Variants in CERS6 observed in about 807,000 individuals in gnomAD.
The protein encoded by CERS6 is ceramide synthase 6.
CERS6 carries 26 observed loss-of-function variants against 56.8 expected under a neutral mutation model. The observed-to-expected ratio is 0.46, with a 90% CI of 0.34 to 0.63. The LOEUF is 0.63. CERS6 is among the 30% of genes least tolerant of loss of function. CERS6 has a pLI of 0.01. For synonymous variants in CERS6, 164 were observed against 173.3 expected, an observed-to-expected ratio of 0.95 and a Z score of 0.42; for missense variants, 415 against 467.5, an observed-to-expected ratio of 0.89 and a Z score of 1.04.
At chr2:168,474,740 T>C (rs944068689) in intron 1 of CERS6, among the ~76,000 whole-genome samples, 2 of 152,208 alleles carry the variant, frequency 1.3e-5, no homozygotes, top group African/African-American at 4.8e-5. Flanking sequence ...TGCAAACATT[T>C]ATTTAACAAA....
rs1485255270 is a variant in CERS6, at chr2:168,771,491, A to G, written c.*1829A>G. On this transcript the variant is annotated 3_prime_UTR_variant, in exon 10 of 10. Coordinates refer to ENST00000305747, the MANE Select transcript of CERS6 (RefSeq NM_203463.3). ...TGTTATTTTATTTCACAAAACAGGCATATGTCTAGGAGTGTAATTTGTGGA... is the reference window on the plus strand; with the variant it reads ...TGTTATTTTATTTCACAAAACAGGCGTATGTCTAGGAGTGTAATTTGTGGA... 6.6e-6 allele frequency: 1 copy of G among 152,256 alleles called. No homozygotes were observed. Among genetic ancestry groups the G allele is most frequent in the African/African-American group, 2.4e-5 (1 of 41,470 alleles). The allele number at this position is 152,256 out of a possible 1,614,324, so 9.4% of individuals were successfully genotyped here. A position where few individuals can be genotyped will look rare whatever the true frequency, so the allele number is the denominator to read the frequency against.
At chr2:168,548,334 G>A (rs2105372897) in intron 2 of CERS6, among the ~76,000 whole-genome samples, 1 of 152,240 alleles carries the variant, frequency 6.6e-6, no homozygotes, top group Non-Finnish European at 1.5e-5. Context: ...AGAGAAGTGG[G>A]TAGAAGAGAC....
intron 6 of CERS6, among the ~76,000 whole-genome samples, chr2:168,709,392 T>A (rs1396570230): frequency 6.6e-6 from 1 of 152,140 alleles, no homozygotes; most frequent in Non-Finnish European, 1.5e-5. Context: ...TAATGAAGTT[T>A]GAGTGAAGAC....
intron 1 of CERS6, among the ~76,000 whole-genome samples, chr2:168,519,580 C>T (rs1396319199): frequency 6.6e-6 from 1 of 152,092 alleles, no homozygotes; most frequent in Admixed American, 6.6e-5. Flanking sequence ...TGTGTTTGTG[C>T]GTACCCAATG....
At chr2:168,560,951 A>G (rs2105381640) in intron 2 of CERS6, among the ~76,000 whole-genome samples, 1 of 152,314 alleles carries the variant, frequency 6.6e-6, no homozygotes, top group East Asian at 1.9e-4. Context: ...AAGTGCAAGC[A>G]TTAGAGCAAG....
At chr2:168,703,748 C>T (rs527437866) in intron 6 of CERS6, among the ~76,000 whole-genome samples, 90 of 152,230 alleles carry the variant, frequency 5.9e-4, no homozygotes, top group Middle Eastern at 3.4e-3. Context: ...TCAGGAGGGC[C>T]GCTTCACCTC....
intron 1 of CERS6, among the ~76,000 whole-genome samples, chr2:168,489,665 T>C (rs985490227): frequency 6.6e-6 from 1 of 152,078 alleles, no homozygotes; most frequent in Non-Finnish European, 1.5e-5. Context: ...TGACTTGAGC[T>C]ATCCCATGAA....
intron 4 of CERS6, among the ~76,000 whole-genome samples, chr2:168,641,847 G>A (rs192446257): frequency 2.0e-5 from 3 of 150,744 alleles, no homozygotes; most frequent in East Asian, 3.9e-4. Flanking sequence ...ATCTCCTATA[G>A]CACTTGATAT....
chr2:168,551,519 CAGG>C, intron 2 of CERS6, among the ~76,000 whole-genome samples: 1 of 152,294 alleles, frequency 6.6e-6, no homozygotes, highest in Middle Eastern at 3.4e-3. Context: ...AACCGTCTCA[CAGG>C]CGTTCATGAG....
intron 8 of CERS6, among the ~76,000 whole-genome samples, chr2:168,762,133 T>G (rs906721766): frequency 6.6e-6 from 1 of 152,104 alleles, no homozygotes; most frequent in African/African-American, 2.4e-5. Flanking sequence ...GTTACAAACC[T>G]GCACATTCTG....
Position 168,562,605 on chromosome 2 carries a change from T to C in CERS6, c.407+1283T>C, listed in dbSNP as rs948149862. On this transcript the variant is annotated intron_variant, in intron 3 of 9. Coordinates refer to ENST00000305747, the MANE Select transcript of CERS6 (RefSeq NM_203463.3). ...ATTTATGTTTCTCTCCACCCAAACATCTCAGTGGAGTAAAGAATAACAAGG... is the reference window on the plus strand; with the variant it reads ...ATTTATGTTTCTCTCCACCCAAACACCTCAGTGGAGTAAAGAATAACAAGG... Among the ~76,000 whole-genome samples the C allele has an allele frequency of 2.0e-5, 3 of 152,162 alleles. No homozygotes were observed. The East Asian group carries it at 5.8e-4, about 29-fold the overall frequency.
chr2:168,504,036 T>C (rs1176318091), intron 1 of CERS6, among the ~76,000 whole-genome samples: 3 of 152,344 alleles, frequency 2.0e-5, no homozygotes, highest in African/African-American at 4.8e-5. Flanking sequence ...AGCTTGTCTT[T>C]AGAGATCTTG....
At chr2:168,534,543 C>G (rs1219502419) in intron 1 of CERS6, among the ~76,000 whole-genome samples, 1 of 151,938 alleles carries the variant, frequency 6.6e-6, no homozygotes, top group Non-Finnish European at 1.5e-5. Context: ...CTGGCTCGCT[C>G]CCGCGTCGGG....
chr2:168,528,277 A>G (rs1205039186), intron 1 of CERS6, among the ~76,000 whole-genome samples: 1 of 152,154 alleles, frequency 6.6e-6, no homozygotes, highest in Non-Finnish European at 1.5e-5. Context: ...TTTGTTTTCA[A>G]TGATTGATTC....
chr2:168,729,999 T>C lies in CERS6; in HGVS notation c.845+12021T>C, dbSNP rs140916219. 2.0e-4 allele frequency among the ~76,000 whole-genome samples: 31 copies of C among 152,316 alleles called. 1 individual carries two copies. Among genetic ancestry groups the C allele is most frequent in the African/African-American group, 7.2e-4 (30 of 41,562 alleles). On this transcript the variant is annotated intron_variant, in intron 8 of 9. Coordinates refer to ENST00000305747, the MANE Select transcript of CERS6 (RefSeq NM_203463.3). Reference sequence around the variant, plus strand: ...CTAAAAAACCATCAATAAATATTTGTTAAATGGAGAATGAAATTTTAGCGT... The same window carrying C: ...CTAAAAAACCATCAATAAATATTTGCTAAATGGAGAATGAAATTTTAGCGT...
At chr2:168,492,484 G>T (rs534185046) in intron 1 of CERS6, among the ~76,000 whole-genome samples, 20 of 152,226 alleles carry the variant, frequency 1.3e-4, no homozygotes, top group African/African-American at 4.3e-4. Flanking sequence ...TTGTAAATTT[G>T]TGTAAGTTTT....
chr2:168,713,427 C>G (rs10191413), intron 6 of CERS6, among the ~76,000 whole-genome samples: 6,690 of 152,062 alleles, frequency 0.044, 152 homozygotes, highest in Non-Finnish European at 0.049. Context: ...GCATTTAAGT[C>G]TCAAAGAAAT....
intron 8 of CERS6, among the ~76,000 whole-genome samples, chr2:168,760,808 T>G (rs1016082771): frequency 2.2e-4 from 33 of 151,984 alleles, no homozygotes; most frequent in Non-Finnish European, 2.4e-4. Flanking sequence ...CAGGCTGGAG[T>G]GCAGTGGCGC....
intron 6 of CERS6, among the ~76,000 whole-genome samples, chr2:168,699,388 T>G (rs1338476637): frequency 6.6e-6 from 1 of 152,196 alleles, no homozygotes; most frequent in African/African-American, 2.4e-5. Context: ...TATCACAGTG[T>G]TTCTTTGGCT....
Sources: gnomAD v4.1 joint callset for allele counts (sites outside exome capture counted in the v4.1 genomes callset) on GRCh38, gnomAD v4.1.1 for gene constraint, MANE v1.5 for transcripts, NCBI Gene and HGNC (gene_info 2026-07-23, HGNC 2026-07-21) for gene names.